Variants in KCNJ4 observed in about 807,000 individuals in gnomAD.
KCNJ4 encodes inward rectifier potassium channel 4.
In KCNJ4, 3 loss-of-function variants were observed where a neutral mutation model predicts 25.6. The ratio of observed to expected loss-of-function variants is 0.12; its 90% CI spans 0.05 to 0.30. KCNJ4 has a LOEUF of 0.30. Ranked by LOEUF, KCNJ4 falls within the 10% of genes least tolerant of loss-of-function variation. KCNJ4 has a pLI of 1.00. For missense variants in KCNJ4, 286 were observed against 666.8 expected (o/e 0.43, Z 6.29); for synonymous variants, 257 against 283.9 (o/e 0.91, Z 0.95).
chr22:38,434,003 C>T (rs994594360), intron 1 of KCNJ4, among the ~76,000 whole-genome samples: 3 of 152,222 alleles, frequency 2.0e-5, no homozygotes, highest in African/African-American at 4.8e-5. Flanking sequence ...ACCTGGAAGG[C>T]TTCGAGGGCA....
rs147339944 is a variant in KCNJ4 at position 38,432,124 on chromosome 22, C to T, written c.-39-3953G>A. Among the ~76,000 whole-genome samples, 1,365 of 151,748 alleles carry T rather than the reference C, an allele frequency of 9.0e-3. 14 individuals carry two copies. The highest frequency in any genetic ancestry group is 0.013 in the Non-Finnish European group (872 of 67,884). ...CAAAAAAATTAGCTGGGCATGGTGG[C>T]GGGCGCCTGTAATCCCAGCTACTAG... On this transcript the variant is annotated intron_variant, in intron 1 of 1. Coordinates refer to ENST00000303592, the MANE Select transcript of KCNJ4 (RefSeq NM_152868.3).
chr22:38,440,012 ACCTGGGAGACGGAG>A (rs1569122117), intron 1 of KCNJ4, among the ~76,000 whole-genome samples: 2 of 150,150 alleles, frequency 1.3e-5, no homozygotes, highest in African/African-American at 4.9e-5. Flanking sequence ...AATGGCGTGA[ACCTGGGAGACGGAG>A]CTTGCAGTGA....
chr22:38,445,501 A>T (rs2089367356), intron 1 of KCNJ4, among the ~76,000 whole-genome samples: 1 of 151,986 alleles, frequency 6.6e-6, no homozygotes, highest in African/African-American at 2.4e-5. Context: ...TTTATTTTTT[A>T]GAGACAGAGT....
intron 1 of KCNJ4, among the ~76,000 whole-genome samples, chr22:38,447,875 C>T (rs924370596): frequency 2.6e-5 from 4 of 151,998 alleles, no homozygotes; most frequent in South Asian, 2.1e-4. Flanking sequence ...ACCAGCCTGA[C>T]CAACATGGTG....
At chr22:38,442,072 T>C (rs554206122) in intron 1 of KCNJ4, among the ~76,000 whole-genome samples, 3 of 152,178 alleles carry the variant, frequency 2.0e-5, no homozygotes, top group African/African-American at 4.8e-5. Context: ...GCTGGTGACA[T>C]TGGCTGCTCC....
chr22:38,434,379 C>T (rs2093059354), intron 1 of KCNJ4, among the ~76,000 whole-genome samples: 2 of 152,194 alleles, frequency 1.3e-5, no homozygotes, highest in Admixed American at 6.5e-5. Flanking sequence ...GCGCTGCCTC[C>T]TCTCTCTCAT....
Position 38,426,540 on chromosome 22 carries a change from A to C in KCNJ4, c.*255T>G. The stretch of plus-strand genomic sequence containing the variant: ...ACGTCCTTGAAGAGTCAGTGGGGGA[A>C]GGGTGGTGGATCCGGGGACCTAGAG... On this transcript the variant is annotated 3_prime_UTR_variant, in exon 2 of 2. Coordinates refer to ENST00000303592, the MANE Select transcript of KCNJ4 (RefSeq NM_152868.3). 13 of 445,414 alleles carry C rather than the reference A, an allele frequency of 2.9e-5. No homozygotes were observed. Among genetic ancestry groups the C allele is most frequent in the Non-Finnish European group, 3.6e-5 (9 of 250,444 alleles). The allele number at this position is 445,414 out of a possible 1,614,324, so 27.6% of individuals were successfully genotyped here.
At chr22:38,453,197 T>C (rs1038919997) in intron 1 of KCNJ4, among the ~76,000 whole-genome samples, 1 of 152,164 alleles carries the variant, frequency 6.6e-6, no homozygotes, top group Non-Finnish European at 1.5e-5. Context: ...TGCTCCAGGC[T>C]GGCGCACGCG....
chr22:38,431,505 C>T (rs1431267876), intron 1 of KCNJ4, among the ~76,000 whole-genome samples: 5 of 152,224 alleles, frequency 3.3e-5, no homozygotes, highest in African/African-American at 1.2e-4. Context: ...CGACAGCCCA[C>T]AGCAGGTGTC....
chr22:38,446,954 CAAAA>C (rs11294836), intron 1 of KCNJ4, among the ~76,000 whole-genome samples: 6 of 133,892 alleles, frequency 4.5e-5, no homozygotes, highest in Admixed American at 7.5e-5. Context: ...GACTCCATCT[CAAAA>C]AAAAAAAAAA....
At position 38,449,543 on chromosome 22, in the gene KCNJ4, T is replaced by C. The variant is rs1186846471; in HGVS notation, c.-40+5437A>G. Among the ~76,000 whole-genome samples the C allele has an allele frequency of 1.3e-5, 2 of 152,120 alleles. No individual in the cohort carries two copies. The highest frequency in any genetic ancestry group is 6.5e-5 in the Admixed American group (1 of 15,278). ...TCACGCATGCGCATGCGTGTGTGCC[T>C]GTGTCTGTGCCTGAGCATGCACGCG... is the stretch of plus-strand genomic sequence containing the variant. On this transcript the variant is annotated intron_variant, in intron 1 of 1. Transcript: ENST00000303592. This position sits in a 1 kb window ranked among gnomAD's most constrained non-coding sequence, Gnocchi z 5.2.
At chr22:38,442,775 C>T (rs1007657363) in intron 1 of KCNJ4, among the ~76,000 whole-genome samples, 2 of 152,018 alleles carry the variant, frequency 1.3e-5, no homozygotes, top group African/African-American at 2.4e-5. Context: ...GGCAGGGTCT[C>T]GCTGTCACCC....
intron 1 of KCNJ4, among the ~76,000 whole-genome samples, chr22:38,450,922 C>T (rs1181107061): frequency 6.6e-6 from 1 of 152,142 alleles, no homozygotes; most frequent in Non-Finnish European, 1.5e-5. Context: ...CAGGGAAGCC[C>T]CAGAGACAGC....
intron 1 of KCNJ4, among the ~76,000 whole-genome samples, chr22:38,448,815 G>C (rs2089393471): frequency 6.6e-6 from 1 of 152,154 alleles, no homozygotes; most frequent in African/African-American, 2.4e-5. Flanking sequence ...AGGAGCTGCT[G>C]GGCCAGGCTT....
At chr22:38,444,925 C>G (rs528437473) in intron 1 of KCNJ4, among the ~76,000 whole-genome samples, 1 of 152,232 alleles carries the variant, frequency 6.6e-6, no homozygotes, top group Admixed American at 6.5e-5. Context: ...TGTCTCAACA[C>G]AGCGCAGTGC....
Position 38,443,936 on chromosome 22 carries a change from G to A in KCNJ4, c.-40+11044C>T, listed in dbSNP as rs2089355596. Among the ~76,000 whole-genome samples the A allele has an allele frequency of 6.6e-6, 1 of 152,030 alleles. No individual in the cohort carries two copies. The highest frequency in any genetic ancestry group is 6.5e-5 in the Admixed American group (1 of 15,272). ...TGCACCCCCTCCACTCTCCAACCAC[G>A]GGAAGAGACCTTCCTTCCCGTCCCT... On this transcript the variant is annotated intron_variant, in intron 1 of 1. Transcript: ENST00000303592. The surrounding 1 kb of genome is among the most constrained non-coding windows in gnomAD (Gnocchi z 4.1).
At chr22:38,433,818 G>A (rs2093057550) in intron 1 of KCNJ4, among the ~76,000 whole-genome samples, 1 of 152,196 alleles carries the variant, frequency 6.6e-6, no homozygotes, top group African/African-American at 2.4e-5. Flanking sequence ...GAATTAGGGA[G>A]GGGCTGGAGA....
chr22:38,444,232 G>C (rs1038153584), intron 1 of KCNJ4, among the ~76,000 whole-genome samples: 2 of 152,170 alleles, frequency 1.3e-5, no homozygotes, highest in Admixed American at 6.5e-5. Flanking sequence ...CCAGAGCCTG[G>C]CATAGAGTAG....
chr22:38,435,570 G>A lies in KCNJ4; in HGVS notation c.-39-7399C>T, dbSNP rs552541395. Reference sequence around the variant, plus strand: ...TAGCCAGGCGTGGTGGCAAGTGCCTGTAATCCTAGCTACCTGGGAGGCCGA... The same window carrying A: ...TAGCCAGGCGTGGTGGCAAGTGCCTATAATCCTAGCTACCTGGGAGGCCGA... On this transcript the variant is annotated intron_variant, in intron 1 of 1. Transcript: ENST00000303592. Among the ~76,000 whole-genome samples, 65 of 152,196 alleles carry A rather than the reference G, an allele frequency of 4.3e-4. 1 individual carries two copies. The highest frequency in any genetic ancestry group is 1.5e-3 in the African/African-American group (62 of 41,542).
Sources: allele counts gnomAD v4.1 joint callset (sites outside exome capture counted in the v4.1 genomes callset), GRCh38; gene constraint gnomAD v4.1.1; non-coding constraint Gnocchi (gnomAD v3.1); transcripts MANE v1.5; gene names NCBI Gene and HGNC (gene_info 2026-07-23, HGNC 2026-07-21).